Variants in BABAM2 observed in about 807,000 individuals in gnomAD.
The protein encoded by BABAM2 is BRISC and BRCA1-A complex member 2.
BABAM2 carries 31 observed loss-of-function variants against 54.7 expected under a neutral mutation model. That is an observed-to-expected ratio of 0.57 (90% CI 0.43 to 0.77). The LOEUF (loss-of-function observed/expected upper bound fraction) is 0.77. Ranked by LOEUF, BABAM2 falls within the 30% of genes least tolerant of loss-of-function variation. The pLI is 0.00. For missense variants in BABAM2, 364 were observed against 455.8 expected (o/e 0.80, Z 1.83); for synonymous variants, 167 against 162.9 (o/e 1.03, Z -0.19).
At chr2:28,006,650 A>G (rs545507514) in intron 4 of BABAM2, among the ~76,000 whole-genome samples, 2 of 152,188 alleles carry the variant, frequency 1.3e-5, no homozygotes, top group African/African-American at 4.8e-5. Context: ...TCTTATAAGA[A>G]TGACCCTTGT....
intron 5 of BABAM2, among the ~76,000 whole-genome samples, chr2:28,039,390 T>C (rs1241246067): frequency 2.0e-5 from 3 of 152,244 alleles, no homozygotes; most frequent in African/African-American, 7.2e-5. Context: ...CTAGTTAGAC[T>C]AACTTTGACT....
chr2:28,265,281 G>T (rs1363480319), intron 10 of BABAM2, among the ~76,000 whole-genome samples: 1 of 152,156 alleles, frequency 6.6e-6, no homozygotes, highest in African/African-American at 2.4e-5. Flanking sequence ...ACAAAAATTA[G>T]CTGGGCATGG....
At chr2:28,301,558 G>A (rs1247100651) in intron 11 of BABAM2, among the ~76,000 whole-genome samples, 1 of 152,198 alleles carries the variant, frequency 6.6e-6, no homozygotes, top group East Asian at 1.9e-4. Flanking sequence ...AGGCCAGCAA[G>A]TTAACACTTG....
chr2:27,982,466 T>C (rs187058722), intron 3 of BABAM2, among the ~76,000 whole-genome samples: 74 of 151,256 alleles, frequency 4.9e-4, no homozygotes, highest in African/African-American at 1.7e-3. Context: ...AAGAATCTTG[T>C]AGTTTTTTGC....
chr2:27,892,105 T>C (rs1664906316), intron 1 of BABAM2, among the ~76,000 whole-genome samples: 1 of 152,222 alleles, frequency 6.6e-6, no homozygotes, highest in Admixed American at 6.5e-5. Flanking sequence ...CAATGTTTAT[T>C]TGAGAGAAAG....
chr2:28,239,317 T>G (rs1193920221), intron 8 of BABAM2, among the ~76,000 whole-genome samples: 1 of 152,224 alleles, frequency 6.6e-6, no homozygotes, highest in African/African-American at 2.4e-5. Flanking sequence ...TTCAAGCACT[T>G]TATCTTGAGC....
chr2:28,256,965 G>A (rs1006482358), intron 10 of BABAM2, among the ~76,000 whole-genome samples: 1 of 152,106 alleles, frequency 6.6e-6, no homozygotes, highest in South Asian at 2.1e-4. Flanking sequence ...AAAGTGCTGG[G>A]ATTACAGGCA....
chr2:28,016,424 C>T, intron 4 of BABAM2: 19 of 1,404,700 alleles, frequency 1.4e-5, no homozygotes, highest in Non-Finnish European at 1.9e-5. Context: ...GATTGGACCC[C>T]TTGATCTCGC....
chr2:28,175,590 G>A (rs1674834672), intron 7 of BABAM2, among the ~76,000 whole-genome samples: 1 of 152,212 alleles, frequency 6.6e-6, no homozygotes, highest in Non-Finnish European at 1.5e-5. Flanking sequence ...CCTGGGGATT[G>A]GACCACCCAG....
intron 3 of BABAM2, among the ~76,000 whole-genome samples, chr2:27,968,603 C>T (rs1670988704): frequency 1.3e-5 from 2 of 152,212 alleles, no homozygotes; most frequent in Admixed American, 1.3e-4. Context: ...GGTAGATCCA[C>T]TGACAGCTTG....
chr2:28,106,789 A>AT (rs1421940783), intron 6 of BABAM2, among the ~76,000 whole-genome samples: 1 of 152,106 alleles, frequency 6.6e-6, no homozygotes, highest in Non-Finnish European at 1.5e-5. Context: ...CAAATATCCT[A>AT]TTTTTTATCA....
intron 3 of BABAM2, among the ~76,000 whole-genome samples, chr2:27,978,133 A>G (rs1558632499): frequency 6.6e-6 from 1 of 152,162 alleles, no homozygotes; most frequent in Non-Finnish European, 1.5e-5. Flanking sequence ...TGTTTGGGTC[A>G]TGGGGGTGGA....
chr2:28,170,469 G>A (rs1674202034), intron 7 of BABAM2, among the ~76,000 whole-genome samples: 1 of 151,944 alleles, frequency 6.6e-6, no homozygotes, highest in South Asian at 2.1e-4. Flanking sequence ...ATCACAATTA[G>A]TGTATATAAA....
intron 6 of BABAM2, among the ~76,000 whole-genome samples, chr2:28,108,538 T>A (rs1463432237): frequency 1.3e-5 from 2 of 152,232 alleles, no homozygotes; most frequent in Non-Finnish European, 2.9e-5. Context: ...TCTGACTGAA[T>A]TTATGGTTCT....
chr2:27,962,143 T>C (rs1245763432), intron 3 of BABAM2, among the ~76,000 whole-genome samples: 2 of 152,092 alleles, frequency 1.3e-5, no homozygotes, highest in Non-Finnish European at 2.9e-5. Context: ...GATCTCACTC[T>C]GTGTCACCCA....
In BABAM2 at chr2:27,988,299, C is replaced by G. The variant is rs538858980; in HGVS notation, c.300+212C>G. 2.0e-5 allele frequency among the ~76,000 whole-genome samples: 3 copies of G among 152,040 alleles called. No homozygotes were observed. The South Asian group carries it at 6.2e-4, about 32-fold the overall frequency. ...ATTGCTGTTTAGTTTCAGGGTATTT[C>G]GAATTAATGAAAGTCTCTAGCATAT... On this transcript the variant is annotated intron_variant, in intron 4 of 11. Transcript: ENST00000379624.
At chr2:28,288,720 C>T (rs78491807) in intron 10 of BABAM2, among the ~76,000 whole-genome samples, 2,742 of 152,242 alleles carry the variant, frequency 0.018, 75 homozygotes, top group African/African-American at 0.062. Flanking sequence ...ATATTCCTGT[C>T]TCCAATTCTG....
chr2:28,083,123 T>C (rs897353905), intron 6 of BABAM2, among the ~76,000 whole-genome samples: 1 of 152,208 alleles, frequency 6.6e-6, no homozygotes, highest in Non-Finnish European at 1.5e-5. Context: ...TCCTTTTTGC[T>C]GCACCTTGTA....
chr2:27,904,257 G>GC (rs1350361534), intron 2 of BABAM2, among the ~76,000 whole-genome samples: 2 of 152,312 alleles, frequency 1.3e-5, no homozygotes, highest in Non-Finnish European at 2.9e-5. Context: ...GTCAGGGTAG[G>GC]CCAAGGGTAA....
Sources: allele counts gnomAD v4.1 joint callset (sites outside exome capture counted in the v4.1 genomes callset), GRCh38; gene constraint gnomAD v4.1.1; transcripts MANE v1.5; gene names NCBI Gene and HGNC (gene_info 2026-07-23, HGNC 2026-07-21).